The following LMO7 variants were observed in gnomAD, a reference collection of about 807,000 sequenced individuals.
LMO7 encodes the protein LIM domain 7.
Under a neutral mutation model 206.5 loss-of-function variants are expected in LMO7, and 120 were observed. The observed-to-expected ratio is 0.58, with a 90% CI of 0.50 to 0.68. LMO7 has a LOEUF of 0.68. Ranked by LOEUF, LMO7 falls within the 30% of genes least tolerant of loss-of-function variation. The pLI, the probability that LMO7 is intolerant of heterozygous loss-of-function variation, is 0.00. For missense variants in LMO7, 1,959 were observed against 1,957.9 expected, an observed-to-expected ratio of 1.00 and a Z score of -0.01; for synonymous variants, 706 against 681.5, an observed-to-expected ratio of 1.04 and a Z score of -0.56.
chr13:75,778,221 T>A (rs939576868), intron 4 of LMO7, among the ~76,000 whole-genome samples: 3 of 151,942 alleles, frequency 2.0e-5, no homozygotes. Context: ...GATCTGTGGT[T>A]TTTATTTATT....
intron 19 of LMO7, among the ~76,000 whole-genome samples, chr13:75,837,925 A>C (rs968361547): frequency 2.0e-5 from 3 of 152,166 alleles, no homozygotes; most frequent in Non-Finnish European, 4.4e-5. Flanking sequence ...TATTAATAAA[A>C]ATATTCATTC....
At chr13:75,830,920 A>T (rs1055475747) in intron 15 of LMO7, among the ~76,000 whole-genome samples, 4 of 152,066 alleles carry the variant, frequency 2.6e-5, no homozygotes, top group Admixed American at 2.0e-4. Flanking sequence ...TGAATATGTA[A>T]CCCATGATTT....
chr13:75,767,008 T>G (rs1197719284), intron 4 of LMO7, among the ~76,000 whole-genome samples: 1 of 152,126 alleles, frequency 6.6e-6, no homozygotes, highest in Non-Finnish European at 1.5e-5. Context: ...CAGTTGCCTT[T>G]TACTTATACC....
At chr13:75,810,570 T>C (rs1001068523) in intron 11 of LMO7, among the ~76,000 whole-genome samples, 4 of 152,260 alleles carry the variant, frequency 2.6e-5, no homozygotes, top group Non-Finnish European at 5.9e-5. Context: ...AAACATTTGC[T>C]ACTCTCAAGT....
intron 1 of LMO7, among the ~76,000 whole-genome samples, chr13:75,670,425 C>A (rs1051257295): frequency 3.3e-5 from 5 of 152,120 alleles, no homozygotes; most frequent in African/African-American, 1.2e-4. Context: ...GTAGAGTGTA[C>A]TTACACAAAC....
intron 14 of LMO7, among the ~76,000 whole-genome samples, chr13:75,822,825 A>ACTTT (rs2057732541): frequency 7.5e-6 from 1 of 132,918 alleles, no homozygotes; most frequent in African/African-American, 2.8e-5. Flanking sequence ...TATATAATAA[A>ACTTT]ATATATATAT....
chr13:75,626,790 T>C (rs2034243605), intron 2 of LMO7: 1 of 151,566 alleles, frequency 6.6e-6, no homozygotes, highest in Admixed American at 6.6e-5. Flanking sequence ...TTCGCCATGT[T>C]GCCCAGGCTG....
chr13:75,757,523 CT>C (rs1382588503), intron 3 of LMO7, among the ~76,000 whole-genome samples: 1 of 152,268 alleles, frequency 6.6e-6, no homozygotes, highest in South Asian at 2.1e-4. Context: ...GTGGTAAGAA[CT>C]GCTGTTCCTG....
intron 4 of LMO7, among the ~76,000 whole-genome samples, chr13:75,771,587 G>GACTT (rs1555315460): frequency 2.6e-3 from 61 of 23,674 alleles, no homozygotes; most frequent in East Asian, 0.017. Context: ...AACAGAATTA[G>GACTT]TAAGTATATT....
chr13:75,776,110 T>TATATATACAC (rs1555317125), intron 4 of LMO7, among the ~76,000 whole-genome samples: 1 of 99,238 alleles, frequency 1.0e-5, no homozygotes, highest in African/African-American at 3.2e-5. Context: ...TATATATATA[T>TATATATACAC]ATACATACAT....
intron 3 of LMO7, among the ~76,000 whole-genome samples, chr13:75,755,553 A>G (rs369447083): frequency 1.9e-4 from 29 of 152,284 alleles, no homozygotes; most frequent in South Asian, 4.1e-4. Context: ...TGACATCCCT[A>G]ATTTCAATGA....
chr13:75,786,793 T>G (rs761985243), intron 4 of LMO7, among the ~76,000 whole-genome samples: 6 of 152,330 alleles, frequency 3.9e-5, no homozygotes, highest in Non-Finnish European at 8.8e-5. Context: ...TCTACCTTGA[T>G]CATCTTATTC....
chr13:75,853,503 T>C, intron 28 of LMO7, 115 bp downstream of exon 28: 1 of 964,590 alleles, frequency 1.0e-6, no homozygotes, highest in Non-Finnish European at 1.5e-6. Context: ...CCCTTTTGAA[T>C]GTGTCAAATT....
chr13:75,846,536 T>A (rs2139421033), intron 26 of LMO7, among the ~76,000 whole-genome samples: 1 of 152,334 alleles, frequency 6.6e-6, no homozygotes, highest in South Asian at 2.1e-4. Context: ...TTTTAAGTAC[T>A]TCAGTATTCC....
rs753487268 is a variant in LMO7, at chr13:75,804,417, A to G, written c.790A>G (p.Asn264Asp). Residue 264 changes from asparagine to aspartate, a missense_variant, in exon 8 of 31, where the codon AAC (asparagine) becomes GAC (aspartate). By Grantham distance (23) the Asn-to-Asp change is conservative. Coordinates refer to ENST00000377534, the MANE Select transcript of LMO7 (RefSeq NM_001306080.2). ...GTTACCCTTCAATCGTTTTTTACCCAACAAAAGTAGACAGCCATCCTATGT... is the reference window on the plus strand; with the variant it reads ...GTTACCCTTCAATCGTTTTTTACCCGACAAAAGTAGACAGCCATCCTATGT... ...TALPFNRFLP[N>D]KSRQPSYVPA... 6.2e-7 allele frequency: 1 copy of G among 1,614,208 alleles called. No individual in the cohort carries two copies. Among genetic ancestry groups the G allele is most frequent in the Non-Finnish European group, 8.5e-7 (1 of 1,180,018 alleles).
At chr13:75,719,471 A>C (rs1192327647) in intron 2 of LMO7, among the ~76,000 whole-genome samples, 5 of 152,052 alleles carry the variant, frequency 3.3e-5, no homozygotes, top group Non-Finnish European at 7.4e-5. Context: ...TGTAATTCCC[A>C]GTGTTGGGGG....
intron 1 of LMO7, among the ~76,000 whole-genome samples, chr13:75,640,279 T>C (rs188533484): frequency 6.6e-6 from 1 of 152,332 alleles, no homozygotes; most frequent in Admixed American, 6.5e-5. Context: ...ATTTAAATCC[T>C]GTAGGTCTCA....
rs1413925076 is a variant in LMO7 at position 75,849,154 on chromosome 13, C to T, written c.4226C>T (p.Ser1409Leu). The change falls in exon 27 of 31, where the codon TCA (serine) becomes TTA (leucine). Residue 1409 changes from serine to leucine, a missense_variant. Transcript: ENST00000377534. ...AGATCCAAGAAAGAACAAGTACCAT[C>T]AGGAGCAGAATTGGAGAGGCAACAA... The part of the protein sequence containing the change: ...QRRSKKEQVP[S>L]GAELERQQIL... 6.2e-7 allele frequency: 1 copy of T among 1,613,630 alleles called. No individual in the cohort carries two copies. Among genetic ancestry groups the T allele is most frequent in the South Asian group, 1.1e-5 (1 of 91,058 alleles).
chr13:75,822,411 G>A (rs2138438808), intron 14 of LMO7, among the ~76,000 whole-genome samples: 1 of 152,176 alleles, frequency 6.6e-6, no homozygotes, highest in African/African-American at 2.4e-5. Context: ...CCCCCTTAAT[G>A]TAGTCAAAAG....
Sources: gnomAD v4.1 joint callset for allele counts (sites outside exome capture counted in the v4.1 genomes callset) on GRCh38, gnomAD v4.1.1 for gene constraint, MANE v1.5 for transcripts, NCBI Gene and HGNC (gene_info 2026-07-23, HGNC 2026-07-21) for gene names.